Variants in TMC2 observed in about 807,000 individuals in gnomAD.
TMC2 encodes the protein transmembrane channel like 2, also known as transmembrane channel-like protein 2.
A neutral mutation model predicts 105.9 loss-of-function variants in TMC2; 102 were observed. That is an observed-to-expected ratio of 0.96 (90% CI 0.82 to 1.14). TMC2 has a LOEUF of 1.14. TMC2 is among the 50% of genes most tolerant of loss of function. The pLI, the probability that TMC2 is intolerant of heterozygous loss-of-function variation, is 0.00. For missense variants in TMC2, 1,093 were observed against 1,134.3 expected (o/e 0.96, Z 0.52); for synonymous variants, 402 against 422.8 (o/e 0.95, Z 0.60).
chr20:2,617,467 A>C, intron 16 of TMC2, 156 bp downstream of exon 16: 2 of 1,014,364 alleles, frequency 2.0e-6, no homozygotes, highest in South Asian at 1.7e-5. Context: ...GTTTTCTGCC[A>C]GGATGGAAAT....
At chr20:2,565,816 G>A (rs2086060271) in intron 4 of TMC2, among the ~76,000 whole-genome samples, 1 of 152,128 alleles carries the variant, frequency 6.6e-6, no homozygotes, top group South Asian at 2.1e-4. Flanking sequence ...GAGGCGGGCA[G>A]ATCACTTGAG....
At position 2,641,784 on chromosome 20, in the gene TMC2, G is replaced by A. The variant is rs2086691933; in HGVS notation, c.*433G>A. The A allele has an allele frequency of 5.7e-6, 1 of 173,914 alleles. No individual in the cohort carries two copies. The highest frequency in any genetic ancestry group is 5.5e-5 in the Admixed American group (1 of 18,096). 10.8% of individuals were successfully genotyped at this position (173,914 alleles called of 1,614,324 possible). On this transcript the variant is annotated 3_prime_UTR_variant, in exon 20 of 20. Transcript: ENST00000358864. ...GCCTACATTTCTCAATCCAGAGGAA[G>A]TGAGCTGGTTTAAATGAAAGGTCCA...
At position 2,558,773 on chromosome 20, in the gene TMC2, A is replaced by G. The variant is rs1180129184; in HGVS notation, c.400A>G (p.Arg134Gly). Reference sequence around the variant, plus strand: ...GAAGTCGAAGCGGCAGAAGAAACCCAGGTGTGTTGTGGCTCCGATTCTGGG... The same window carrying G: ...GAAGTCGAAGCGGCAGAAGAAACCCGGGTGTGTTGTGGCTCCGATTCTGGG... Reference protein sequence around the residue: ...EEKSKRQKKPRSSSLASSASG... With the variant: ...EEKSKRQKKPGSSSLASSASG... Residue 134 changes from arginine to glycine, a missense_variant and splice_region_variant, in exon 3 of 20, where the codon AGG becomes GGG. Physicochemically the swap from Arg to Gly is moderately radical, Grantham distance 125. Transcript: ENST00000358864. The surrounding 1 kb of genome is among the most constrained non-coding windows in gnomAD (Gnocchi z 4.6). The G allele has an allele frequency of 1.9e-6, 3 of 1,539,316 alleles. No homozygotes were observed. The highest frequency in any genetic ancestry group is 2.1e-5 in the Admixed American group (1 of 48,674).
Position 2,610,320 on chromosome 20 carries a change from G to A in TMC2, c.1414-99G>A. The A allele has an allele frequency of 4.4e-6, 5 of 1,140,786 alleles. No homozygotes were observed. In the South Asian group the frequency reaches 7.8e-5, roughly 18 times the overall value. The allele number at this position is 1,140,786 out of a possible 1,614,324, so 70.7% of individuals were successfully genotyped here. A position where few individuals can be genotyped will look rare whatever the true frequency, so the allele number is the denominator to read the frequency against. On this transcript the variant is annotated intron_variant, in intron 11 of 19. Transcript: ENST00000358864. ...GGCATCTCCAGGCGCAGCAGAGGGG[G>A]CAGCAGAGAAGTGGAGATGGATGGC...
At chr20:2,611,886 G>GTGGATGGATGGATGGATGGA (rs59459136) in intron 12 of TMC2, among the ~76,000 whole-genome samples, 1 of 87,442 alleles carries the variant, frequency 1.1e-5, no homozygotes, top group Non-Finnish European at 2.3e-5. Context: ...GGGTGGGTGG[G>GTGGATGGATGGATGGATGGA]TGGATGGATG....
In TMC2 at chr20:2,594,853, A is replaced by C. The variant is rs762767921; in HGVS notation, c.962A>C (p.Tyr321Ser). 6.2e-7 allele frequency: 1 copy of C among 1,614,152 alleles called. No individual in the cohort carries two copies. Among genetic ancestry groups the C allele is most frequent in the Admixed American group, 1.7e-5 (1 of 60,018 alleles). The change falls in exon 9 of 20, where the codon TAT (tyrosine) becomes TCT (serine). Residue 321 changes from tyrosine (Y) to serine (S), a missense_variant. Physicochemically the swap from Tyr to Ser is moderately radical, Grantham distance 144. Transcript: ENST00000358864. ...TATATCAAGTACTCTGCACTCTTCT[A>C]TGGCTACTACAACAACCAGAGGACC... ...EGYIKYSALF[Y>S]GYYNNQRTIG...
In TMC2 at chr20:2,641,500, G is replaced by T; in HGVS notation, c.*149G>T. ...AATGCATGAACTTTGATTCCTTCAG[G>T]CCCTTGTCAGCTACCGAAGGAGGAA... On this transcript the variant is annotated 3_prime_UTR_variant, in exon 20 of 20. Transcript: ENST00000358864. 1 of 606,520 alleles carries T rather than the reference G, an allele frequency of 1.6e-6. No homozygotes were observed. Among genetic ancestry groups the T allele is most frequent in the Non-Finnish European group, 2.9e-6 (1 of 342,792 alleles). 37.6% of individuals were successfully genotyped at this position (606,520 alleles called of 1,614,324 possible).
At chr20:2,596,876 G>A (rs537698096) in intron 9 of TMC2, among the ~76,000 whole-genome samples, 1 of 152,136 alleles carries the variant, frequency 6.6e-6, no homozygotes, top group South Asian at 2.1e-4. Flanking sequence ...CGGGTGTAGG[G>A]AAGAAAACAT....
At chr20:2,624,551 G>A (rs1293560317) in intron 17 of TMC2, among the ~76,000 whole-genome samples, 155 bp downstream of exon 17, 1 of 152,194 alleles carries the variant, frequency 6.6e-6, no homozygotes, top group Non-Finnish European at 1.5e-5. Flanking sequence ...TTATTAGGGA[G>A]GGGGTGAGGA....
At chr20:2,613,122 A>G (rs1225089666) in intron 13 of TMC2, 72 bp from the exon 14 acceptor site, 1 of 1,553,554 alleles carries the variant, frequency 6.4e-7, no homozygotes. Flanking sequence ...TAGACTCTCA[A>G]CAAACTCTCA....
chr20:2,610,308 G>A (rs1028647563), intron 11 of TMC2, 111 bp from the exon 12 acceptor site: 69 of 1,017,280 alleles, frequency 6.8e-5, no homozygotes, highest in Admixed American at 1.1e-4. Context: ...ATCTCCAGGC[G>A]CAGCAGAGGG....
intron 2 of TMC2, among the ~76,000 whole-genome samples, chr20:2,545,168 C>T (rs1378911773): frequency 6.6e-6 from 1 of 152,068 alleles, no homozygotes; most frequent in African/African-American, 2.4e-5. Context: ...GATGACTCCA[C>T]TACACTTCAC....
intron 19 of TMC2, 140 bp downstream of exon 19, chr20:2,637,731 T>TG (rs1326986860): frequency 1.1e-5 from 7 of 639,488 alleles, no homozygotes; most frequent in Non-Finnish European, 1.9e-5. Context: ...GTTGGGCAGG[T>TG]GAATATAGGG....
chr20:2,639,423 T>C (rs1274255819), intron 19 of TMC2, among the ~76,000 whole-genome samples: 1 of 152,206 alleles, frequency 6.6e-6, no homozygotes, highest in African/African-American at 2.4e-5. Flanking sequence ...TACACAAATA[T>C]TTACCATTAT....
chr20:2,550,571 T>A (rs2085950790), intron 2 of TMC2, among the ~76,000 whole-genome samples: 1 of 152,180 alleles, frequency 6.6e-6, no homozygotes, highest in African/African-American at 2.4e-5. Flanking sequence ...ATATATCATG[T>A]ATCCATCATC....
intron 2 of TMC2, among the ~76,000 whole-genome samples, chr20:2,543,990 C>T (rs1229426442): frequency 5.9e-5 from 9 of 151,648 alleles, no homozygotes; most frequent in Non-Finnish European, 1.0e-4. Flanking sequence ...CAACCTCCAC[C>T]TCCTGGGTTC....
At chr20:2,636,618 TTTTG>T (rs10534913) in intron 18 of TMC2, among the ~76,000 whole-genome samples, 11 of 151,104 alleles carry the variant, frequency 7.3e-5, no homozygotes, top group African/African-American at 1.7e-4. Context: ...TCTTCTGGTT[TTTTG>T]TTTGTTTGTT....
rs144319627 is a variant in TMC2, at chr20:2,575,272, A to G, written c.645+3003A>G. Among the ~76,000 whole-genome samples, 98 of 152,320 alleles carry G rather than the reference A, an allele frequency of 6.4e-4. No individual in the cohort carries two copies. The East Asian group carries it at 0.018, about 29-fold the overall frequency. On this transcript the variant is annotated intron_variant, in intron 5 of 19. Transcript: ENST00000358864. ...TTTATCTTGGATCCATGTGTTTTTT[A>G]AAATCACAATAAGACAGTCCCTCAA...
Position 2,611,829 on chromosome 20 carries a change from AATGG to A in TMC2, c.1594-325_1594-322del, listed in dbSNP as rs556611452. The stretch of plus-strand genomic sequence containing the variant: ...GGATGGCTGAATGCTTAGATGGATG[AATGG>A]ATGGATGGATGGATGGATGGATGGA... On this transcript the variant is annotated intron_variant, in intron 12 of 19. Coordinates refer to ENST00000358864, the MANE Select transcript of TMC2 (RefSeq NM_080751.3). Among the ~76,000 whole-genome samples, 685 of 111,398 alleles carry A rather than the reference AATGG, an allele frequency of 6.1e-3. 8 individuals carry two copies. Among genetic ancestry groups the A allele is most frequent in the Middle Eastern group, 0.01 (2 of 192 alleles). 73.1% of individuals were successfully genotyped at this position (111,398 alleles called of 152,430 possible). A position where few individuals can be genotyped will look rare whatever the true frequency, so the allele number is the denominator to read the frequency against.
Sources: allele counts gnomAD v4.1 joint callset (sites outside exome capture counted in the v4.1 genomes callset), GRCh38; gene constraint gnomAD v4.1.1; non-coding constraint Gnocchi (gnomAD v3.1); transcripts MANE v1.5; gene names NCBI Gene and HGNC (gene_info 2026-07-23, HGNC 2026-07-21).